Variants in LGALS4 observed in about 807,000 individuals in gnomAD.
The protein encoded by LGALS4 is galectin 4, also known as galectin-4.
A neutral mutation model predicts 39.6 loss-of-function variants in LGALS4; 37 were observed. That is an observed-to-expected ratio of 0.93 (90% CI 0.72 to 1.23). The LOEUF (loss-of-function observed/expected upper bound fraction) is 1.23. LGALS4 is among the 50% of genes most tolerant of loss of function. LGALS4 has a pLI of 0.00. For missense variants in LGALS4, 397 were observed against 433.2 expected, an observed-to-expected ratio of 0.92 and a Z score of 0.74; for synonymous variants, 160 against 165.5, an observed-to-expected ratio of 0.97 and a Z score of 0.25.
intron 7 of LGALS4, 168 bp downstream of exon 7, chr19:38,803,354 A>C: frequency 1.5e-6 from 1 of 670,808 alleles, no homozygotes; most frequent in Admixed American, 2.7e-5. Flanking sequence ...CTCCTCCTGG[A>C]AAACATCCCC....
intron 4 of LGALS4, 98 bp from the exon 5 acceptor site, chr19:38,803,993 A>G: frequency 7.6e-7 from 1 of 1,315,180 alleles, no homozygotes; most frequent in South Asian, 1.3e-5. Flanking sequence ...CACCACCACC[A>G]CCACTATGCC....
intron 6 of LGALS4, 52 bp downstream of exon 6, chr19:38,803,690 A>ATCC (rs1568350096): frequency 6.2e-7 from 1 of 1,604,278 alleles, no homozygotes; most frequent in African/African-American, 1.3e-5. Flanking sequence ...CCCTACCCCA[A>ATCC]TTCTCACCAT....
intron 3 of LGALS4, 71 bp downstream of exon 3, chr19:38,808,673 G>T: frequency 8.4e-7 from 1 of 1,197,062 alleles, no homozygotes; most frequent in Non-Finnish European, 1.2e-6. Context: ...AAGGAAGGCG[G>T]GAAGGAAGGA....
intron 2 of LGALS4, among the ~76,000 whole-genome samples, chr19:38,812,204 T>C (rs1277425915): frequency 6.6e-6 from 1 of 152,196 alleles, no homozygotes; most frequent in Non-Finnish European, 1.5e-5. Flanking sequence ...TTCAGTCTAA[T>C]GTCCAACTCA....
At position 38,801,833 on chromosome 19, in the gene LGALS4, G is replaced by A. The variant is rs748978981; in HGVS notation, c.903C>T (p.Leu301=). ...GQHLFDFAHR[L]SAFQRVDTLE... ...ATGTGTCCACCCTCTGGAAGGCCGA[G>A]AGGCGATGGGCAAAGTCAAAGAGGT... is the stretch of plus-strand genomic sequence containing the variant. Residue 301 remains leucine, a synonymous_variant, in exon 10 of 10, where the codon CTC becomes CTT. Coordinates refer to ENST00000307751, the MANE Select transcript of LGALS4 (RefSeq NM_006149.4). The A allele has an allele frequency of 6.2e-7, 1 of 1,614,224 alleles. No individual in the cohort carries two copies. The highest frequency in any genetic ancestry group is 1.3e-5 in the African/African-American group (1 of 75,060).
At chr19:38,809,209 T>C (rs1179886402) in intron 2 of LGALS4, among the ~76,000 whole-genome samples, 43 of 147,470 alleles carry the variant, frequency 2.9e-4, no homozygotes, top group Admixed American at 2.7e-3. Flanking sequence ...GATGGAGTCT[T>C]GCTCTGTTGC....
intron 2 of LGALS4, among the ~76,000 whole-genome samples, chr19:38,811,714 T>C (rs1971495800): frequency 6.6e-6 from 1 of 150,824 alleles, no homozygotes; most frequent in Admixed American, 6.6e-5. Flanking sequence ...TAAGGCCCTT[T>C]TTAAAAAGCT....
intron 2 of LGALS4, among the ~76,000 whole-genome samples, chr19:38,809,306 A>G (rs541360301): frequency 5.0e-4 from 75 of 150,802 alleles, no homozygotes; most frequent in African/African-American, 1.5e-3. Context: ...CAGCCTCCCA[A>G]GTAGCTGGGA....
At chr19:38,802,511 A>G (rs1971369379) in intron 7 of LGALS4, 107 bp from the exon 8 acceptor site, 1 of 822,584 alleles carries the variant, frequency 1.2e-6, no homozygotes. Context: ...TTTTTCTTAT[A>G]AGAGATGGGG....
intron 4 of LGALS4, among the ~76,000 whole-genome samples, chr19:38,805,866 G>A (rs940749129): frequency 1.3e-5 from 2 of 152,170 alleles, no homozygotes; most frequent in African/African-American, 4.8e-5. Flanking sequence ...GAGGCCAGGA[G>A]TTCCAGACCA....
chr19:38,810,848 T>C (rs1971484778), intron 2 of LGALS4, among the ~76,000 whole-genome samples: 1 of 149,982 alleles, frequency 6.7e-6, no homozygotes, highest in South Asian at 2.1e-4. Flanking sequence ...CTCCCTTCCC[T>C]CCTCATTTTC....
intron 2 of LGALS4, among the ~76,000 whole-genome samples, chr19:38,809,600 C>A (rs1971468829): frequency 6.6e-6 from 1 of 151,078 alleles, no homozygotes; most frequent in Admixed American, 6.6e-5. Flanking sequence ...CCTGCCTCAG[C>A]CTCCCTAGTA....
At chr19:38,803,636 G>C (rs1327732574) in intron 6 of LGALS4, 85 bp from the exon 7 acceptor site, 1 of 1,593,976 alleles carries the variant, frequency 6.3e-7, no homozygotes, top group South Asian at 1.1e-5. Flanking sequence ...CGTTTCTCTA[G>C]GTGCTGGGTT....
chr19:38,811,962 A>G (rs1022847605), intron 2 of LGALS4, among the ~76,000 whole-genome samples: 2 of 152,042 alleles, frequency 1.3e-5, no homozygotes, highest in African/African-American at 4.8e-5. Flanking sequence ...GCAGTGAGCC[A>G]AGATCATGCC....
chr19:38,805,523 G>A (rs1209031666), intron 4 of LGALS4, among the ~76,000 whole-genome samples: 1 of 152,028 alleles, frequency 6.6e-6, no homozygotes, highest in Non-Finnish European at 1.5e-5. Context: ...GCCCAGTGAG[G>A]TCAGGGCCCA....
chr19:38,807,643 A>G lies in LGALS4; in HGVS notation c.340-1048T>C, dbSNP rs187381938. Among the ~76,000 whole-genome samples the G allele has an allele frequency of 3.4e-3, 510 of 152,040 alleles. 2 individuals carry two copies. The highest frequency in any genetic ancestry group is 0.012 in the African/African-American group (482 of 41,472). On this transcript the variant is annotated intron_variant, in intron 3 of 9. Coordinates refer to ENST00000307751, the MANE Select transcript of LGALS4 (RefSeq NM_006149.4). ...CAGCTCCGAAGAGACAGCGACCATC[A>G]AGAATGGGCCATGATGACGATGGCG...
chr19:38,801,901 G>A lies in LGALS4; in HGVS notation c.835C>T (p.Arg279Cys), dbSNP rs577813567. 18 of 1,614,194 alleles carry A rather than the reference G, an allele frequency of 1.1e-5. No individual in the cohort carries two copies. The highest frequency in any genetic ancestry group is 8.9e-5 in the East Asian group (4 of 44,892). ...GPGQFFDLSI[R>C]CGLDRFKVYA... ...ACCTTGAAGCGATCCAAGCCACAGCGAATGGACAGCTGCAGGGAGAAGGGT... is the reference window on the plus strand; with the variant it reads ...ACCTTGAAGCGATCCAAGCCACAGCAAATGGACAGCTGCAGGGAGAAGGGT... The change falls in exon 10 of 10, where the codon CGC becomes TGC. Residue 279 changes from arginine to cysteine, a missense_variant. Physicochemically the swap from Arg to Cys is radical, Grantham distance 180. Coordinates refer to ENST00000307751, the MANE Select transcript of LGALS4 (RefSeq NM_006149.4).
intron 4 of LGALS4, 63 bp downstream of exon 4, chr19:38,806,398 A>G: frequency 6.5e-7 from 1 of 1,541,358 alleles, no homozygotes; most frequent in South Asian, 1.2e-5. Flanking sequence ...AAAAAAGAAA[A>G]AAAATGAATG....
In LGALS4 at chr19:38,808,841, C is replaced by A; in HGVS notation, c.242G>T (p.Gly81Val). 1 of 1,614,136 alleles carries A rather than the reference C, an allele frequency of 6.2e-7. No homozygotes were observed. Among genetic ancestry groups the A allele is most frequent in the African/African-American group, 1.3e-5 (1 of 75,036 alleles). ...CCTCTCCTCGCTGCCCCACTTCCCG[C>A]CCTGCAACGTGTTGAAGACCACCTT... ...WDKVVFNTLQGGKWGSEERKR... is the reference protein window; with the variant it reads ...WDKVVFNTLQVGKWGSEERKR... The change falls in exon 3 of 10, where the codon GGC (glycine) becomes GTC (valine). Residue 81 changes from glycine to valine, a missense_variant. By Grantham distance (109) the Gly-to-Val change is moderately radical (BLOSUM62 -3). Transcript: ENST00000307751.
Sources: gnomAD v4.1 joint callset for allele counts (sites outside exome capture counted in the v4.1 genomes callset) on GRCh38, gnomAD v4.1.1 for gene constraint, MANE v1.5 for transcripts, NCBI Gene and HGNC (gene_info 2026-07-23, HGNC 2026-07-21) for gene names.